Variants in PLAC1 observed in about 807,000 individuals in gnomAD.
The protein encoded by PLAC1 is placenta associated 1.
For synonymous variants in PLAC1, 68 were observed against 62.1 expected (o/e 1.09, Z -0.44); for missense variants, 136 against 163.2 (o/e 0.83, Z 0.91).
chrX:134,759,349 G>T (rs1316920718), intron 1 of PLAC1, among the ~76,000 whole-genome samples: 1 of 110,347 alleles, frequency 9.1e-6, no homozygotes, highest in Non-Finnish European at 1.9e-5. Context: ...GAGGGTTTCA[G>T]CATATTGTCC....
chrX:134,687,865 T>G (rs1370161564), intron 2 of PLAC1, among the ~76,000 whole-genome samples: 1 of 48,776 alleles, frequency 2.1e-5, no homozygotes, highest in Middle Eastern at 0.014. Context: ...TATATATATA[T>G]ATAGCACCTA....
At chrX:134,593,910 T>G (rs754368504) in intron 2 of PLAC1, among the ~76,000 whole-genome samples, 58 of 111,948 alleles carry the variant, frequency 5.2e-4, no homozygotes, top group African/African-American at 1.9e-3. Flanking sequence ...TTCTGGACTT[T>G]CTGTACTAGC....
intron 1 of PLAC1, among the ~76,000 whole-genome samples, chrX:134,633,379 T>C (rs182969930): frequency 2.7e-5 from 3 of 112,172 alleles, no homozygotes; most frequent in Non-Finnish European, 5.6e-5. Flanking sequence ...AAAGGTCAGG[T>C]TGTGAATAAT....
chrX:134,756,710 G>A (rs914345742), intron 1 of PLAC1, among the ~76,000 whole-genome samples: 8 of 109,821 alleles, frequency 7.3e-5, no homozygotes, highest in Non-Finnish European at 1.5e-4. Context: ...TTGGCCAGGC[G>A]TGGTGGCGGG....
At chrX:134,612,149 A>C (rs772209714) in intron 1 of PLAC1, among the ~76,000 whole-genome samples, 5 of 112,226 alleles carry the variant, frequency 4.5e-5, no homozygotes, top group Admixed American at 9.5e-5. Flanking sequence ...CAGGGAGAAG[A>C]AACTTAAGTA....
intron 2 of PLAC1, among the ~76,000 whole-genome samples, chrX:134,580,935 C>T (rs756846069): frequency 8.9e-6 from 1 of 111,740 alleles, no homozygotes; most frequent in African/African-American, 3.3e-5. Flanking sequence ...GATACGGCAA[C>T]CCCAAACTAA....
At chrX:134,590,196 AAAAT>A (rs371123358) in intron 2 of PLAC1, among the ~76,000 whole-genome samples, 6 of 103,415 alleles carry the variant, frequency 5.8e-5, no homozygotes, top group South Asian at 4.4e-4. Flanking sequence ...CTCCATCTCA[AAAAT>A]AAATAAATAA....
intron 2 of PLAC1, among the ~76,000 whole-genome samples, chrX:134,686,744 G>A (rs966182829): frequency 3.6e-5 from 4 of 111,593 alleles, no homozygotes; most frequent in Non-Finnish European, 5.6e-5. Context: ...GGCCAGCGCC[G>A]AGGCTTGATA....
At chrX:134,683,372 T>C (rs1279620128) in intron 2 of PLAC1, among the ~76,000 whole-genome samples, 1 of 110,806 alleles carries the variant, frequency 9.0e-6, no homozygotes, top group Non-Finnish European at 1.9e-5. Flanking sequence ...ATCTCCAACA[T>C]AAACAACAAA....
intron 1 of PLAC1, chrX:134,606,000 G>C (rs1365579420): frequency 9.0e-6 from 1 of 111,472 alleles, no homozygotes; most frequent in Non-Finnish European, 1.9e-5. Context: ...CCAGCACTTT[G>C]GGAAGCCGAG....
chrX:134,598,790 G>T (rs1366119309), intron 2 of PLAC1, among the ~76,000 whole-genome samples: 1 of 111,722 alleles, frequency 9.0e-6, no homozygotes, highest in Non-Finnish European at 1.9e-5. Context: ...AAGCAAAACA[G>T]ACTTTGGTTC....
intron 1 of PLAC1, among the ~76,000 whole-genome samples, chrX:134,737,321 A>G (rs1209739690): frequency 8.9e-6 from 1 of 112,371 alleles, no homozygotes; most frequent in Admixed American, 9.4e-5. Flanking sequence ...AGCCCTGGCA[A>G]TAGGGATGGA....
chrX:134,700,522 G>C (rs755299362), intron 2 of PLAC1, among the ~76,000 whole-genome samples: 18 of 111,669 alleles, frequency 1.6e-4, no homozygotes, highest in African/African-American at 5.5e-4. Context: ...CTGACAATAT[G>C]AGTCTATACC....
At chrX:134,686,137 G>C (rs1292061602) in intron 2 of PLAC1, among the ~76,000 whole-genome samples, 1 of 111,863 alleles carries the variant, frequency 8.9e-6, no homozygotes, top group Non-Finnish European at 1.9e-5. Context: ...ACTCATCCAG[G>C]AATCAGGAAA....
At chrX:134,705,017 TA>T (rs1463471101) in intron 2 of PLAC1, among the ~76,000 whole-genome samples, 3 of 96,312 alleles carry the variant, frequency 3.1e-5, no homozygotes, top group African/African-American at 1.3e-4. Context: ...TATATATATA[TA>T]TATACACACA....
intron 2 of PLAC1, among the ~76,000 whole-genome samples, chrX:134,576,026 C>T (rs1356960523): frequency 9.2e-6 from 1 of 108,183 alleles, no homozygotes; most frequent in Non-Finnish European, 1.9e-5. Flanking sequence ...GGTAATCTAT[C>T]TTCCCTTAAC....
At chrX:134,608,963 C>T (rs1339694413) in intron 1 of PLAC1, among the ~76,000 whole-genome samples, 11 of 101,703 alleles carry the variant, frequency 1.1e-4, no homozygotes, top group Non-Finnish European at 1.4e-4. Flanking sequence ...AGTGAGCCAC[C>T]GTGCCCGGCC....
At chrX:134,760,434 T>C (rs1339742387) in intron 1 of PLAC1, 1 of 111,643 alleles carries the variant, frequency 9.0e-6, no homozygotes, top group Non-Finnish European at 1.9e-5. Flanking sequence ...TAAATATATA[T>C]ACCTTTTGAC....
At chrX:134,747,933 G>C (rs770626045) in intron 1 of PLAC1, among the ~76,000 whole-genome samples, 3 of 111,802 alleles carry the variant, frequency 2.7e-5, no homozygotes, top group Admixed American at 1.9e-4. Context: ...ACAGGATTTA[G>C]AGTTTAAGGC....
Sources: gnomAD v4.1 joint callset for allele counts (sites outside exome capture counted in the v4.1 genomes callset) on GRCh38, gnomAD v4.1.1 for gene constraint, MANE v1.5 for transcripts, NCBI Gene and HGNC (gene_info 2026-07-23, HGNC 2026-07-21) for gene names.